The following CALN1 variants were observed in gnomAD, a reference collection of about 807,000 sequenced individuals.
CALN1 encodes the protein calcium-binding protein 8.
In CALN1, 17 loss-of-function variants were observed where a neutral mutation model predicts 30.6. The observed-to-expected ratio is 0.56, with a 90% CI of 0.38 to 0.83. The LOEUF (loss-of-function observed/expected upper bound fraction) is 0.83. CALN1 is among the 40% of genes least tolerant of loss of function. CALN1 has a pLI of 0.00. For missense variants in CALN1, 291 were observed against 354.9 expected, an observed-to-expected ratio of 0.82 and a Z score of 1.45; for synonymous variants, 156 against 131.4, an observed-to-expected ratio of 1.19 and a Z score of -1.28.
intron 2 of CALN1, among the ~76,000 whole-genome samples, chr7:72,382,022 C>T (rs1261606622): frequency 6.6e-6 from 1 of 152,114 alleles, no homozygotes. Context: ...TGAGAAGAGA[C>T]TCACAGGTAA....
intron 1 of CALN1, among the ~76,000 whole-genome samples, chr7:72,411,161 A>G (rs1040755763): frequency 6.6e-6 from 1 of 152,244 alleles, no homozygotes; most frequent in Non-Finnish European, 1.5e-5. Flanking sequence ...GATTTGAAAA[A>G]AACTATCAAA....
At chr7:72,057,265 C>G (rs1803318924) in intron 4 of CALN1, among the ~76,000 whole-genome samples, 1 of 151,928 alleles carries the variant, frequency 6.6e-6, no homozygotes, top group African/African-American at 2.4e-5. Flanking sequence ...AGTGAAAAGA[C>G]AGAGTACACA....
chr7:72,254,675 T>A (rs1033960116), intron 3 of CALN1, among the ~76,000 whole-genome samples: 3 of 152,188 alleles, frequency 2.0e-5, no homozygotes, highest in Non-Finnish European at 4.4e-5. Flanking sequence ...GAATCTGTTA[T>A]GAGCTCTTAG....
chr7:72,128,199 G>A (rs538845075), intron 3 of CALN1, among the ~76,000 whole-genome samples: 214 of 152,168 alleles, frequency 1.4e-3, no homozygotes, highest in African/African-American at 4.5e-3. Context: ...ATGAAAATAG[G>A]AAAACACAAG....
chr7:72,373,109 A>G (rs1407670078), intron 2 of CALN1, among the ~76,000 whole-genome samples: 1 of 152,196 alleles, frequency 6.6e-6, no homozygotes, highest in Non-Finnish European at 1.5e-5. Flanking sequence ...ACAATAACCA[A>G]AATTTAAAAA....
At chr7:71,844,826 T>A (rs931339983) in intron 5 of CALN1, among the ~76,000 whole-genome samples, 28 of 152,188 alleles carry the variant, frequency 1.8e-4, no homozygotes, top group African/African-American at 6.8e-4. Context: ...ATTGGAAACA[T>A]CACATGTTTT....
chr7:72,031,486 G>A (rs1317785430), intron 4 of CALN1, among the ~76,000 whole-genome samples: 2 of 151,972 alleles, frequency 1.3e-5, no homozygotes, highest in African/African-American at 4.8e-5. Flanking sequence ...AGATAACTTA[G>A]AAAAAAAGAG....
intron 5 of CALN1, among the ~76,000 whole-genome samples, chr7:71,870,974 T>A (rs1174838683): frequency 6.6e-6 from 1 of 152,112 alleles, no homozygotes; most frequent in African/African-American, 2.4e-5. Context: ...ATTCAGTTTC[T>A]CCTTCTGTTT....
chr7:72,123,772 G>T (rs977122512), intron 3 of CALN1, among the ~76,000 whole-genome samples: 4 of 152,196 alleles, frequency 2.6e-5, no homozygotes, highest in African/African-American at 9.7e-5. Context: ...GTTCTCCACT[G>T]CAGGGTGCAT....
At chr7:72,076,646 A>AAAAAAAAAAAAAAAAC (rs1563035689) in intron 4 of CALN1, among the ~76,000 whole-genome samples, 1 of 124,532 alleles carries the variant, frequency 8.0e-6, no homozygotes, top group Non-Finnish European at 1.7e-5. Context: ...AAAAAAAAAA[A>AAAAAAAAAAAAAAAAC]AGCAAAGACA....
intron 2 of CALN1, among the ~76,000 whole-genome samples, chr7:72,363,892 G>A (rs1585584894): frequency 6.6e-6 from 1 of 151,496 alleles, no homozygotes; most frequent in African/African-American, 2.4e-5. Flanking sequence ...GCACCACCAT[G>A]CCCAGCTAAT....
chr7:71,853,498 T>C (rs1790766262), intron 5 of CALN1, among the ~76,000 whole-genome samples: 1 of 152,124 alleles, frequency 6.6e-6, no homozygotes, highest in African/African-American at 2.4e-5. Context: ...ATATCTTTAT[T>C]GAGAGTCTTC....
intron 1 of CALN1, among the ~76,000 whole-genome samples, chr7:72,417,680 A>G (rs1214758906): frequency 6.6e-6 from 1 of 152,242 alleles, no homozygotes; most frequent in Non-Finnish European, 1.5e-5. Flanking sequence ...CTAAATGCTT[A>G]TAATTCTTGG....
At chr7:72,021,622 C>A (rs1800713577) in intron 5 of CALN1, among the ~76,000 whole-genome samples, 1 of 152,122 alleles carries the variant, frequency 6.6e-6, no homozygotes, top group African/African-American at 2.4e-5. Context: ...TTCCTGTCAG[C>A]AGTGGGGGAT....
intron 2 of CALN1, among the ~76,000 whole-genome samples, chr7:72,322,767 A>G (rs1329313833): frequency 6.6e-6 from 1 of 152,044 alleles, no homozygotes; most frequent in Non-Finnish European, 1.5e-5. Flanking sequence ...CAGGGTAACT[A>G]TAGTCAAAAA....
chr7:71,878,891 C>A (rs1404373946), intron 5 of CALN1, among the ~76,000 whole-genome samples: 3 of 152,224 alleles, frequency 2.0e-5, no homozygotes, highest in African/African-American at 7.2e-5. Context: ...GCAGAAGAAT[C>A]AGGTGAGAAG....
chr7:72,172,989 T>A (rs1344829104), intron 3 of CALN1, among the ~76,000 whole-genome samples: 1 of 152,084 alleles, frequency 6.6e-6, no homozygotes, highest in African/African-American at 2.4e-5. Flanking sequence ...GAGATAAATA[T>A]CTTTTTTTTT....
intron 6 of CALN1, among the ~76,000 whole-genome samples, chr7:71,799,031 C>G (rs1333491079): frequency 1.3e-5 from 2 of 152,074 alleles, no homozygotes; most frequent in Admixed American, 1.3e-4. Flanking sequence ...GGTTCCTGCT[C>G]CATGAAGACA....
At chr7:72,331,443 G>A (rs951292859) in intron 2 of CALN1, among the ~76,000 whole-genome samples, 1 of 152,092 alleles carries the variant, frequency 6.6e-6, no homozygotes, top group Admixed American at 6.6e-5. Context: ...CTAGATACAG[G>A]GACCCAAAAC....
Sources: gnomAD v4.1 joint callset for allele counts (sites outside exome capture counted in the v4.1 genomes callset) on GRCh38, gnomAD v4.1.1 for gene constraint, MANE v1.5 for transcripts, NCBI Gene and HGNC (gene_info 2026-07-23, HGNC 2026-07-21) for gene names.